The following USP37 variants were observed in gnomAD, a reference collection of about 807,000 sequenced individuals.
USP37 encodes the protein ubiquitin specific peptidase 37, also known as ubiquitin carboxyl-terminal hydrolase 37.
A neutral mutation model predicts 124.0 loss-of-function variants in USP37; 27 were observed. The ratio of observed to expected loss-of-function variants is 0.22; its 90% CI spans 0.16 to 0.30. USP37 has a LOEUF of 0.30. Ranked by LOEUF, USP37 falls within the 10% of genes least tolerant of loss-of-function variation. USP37 has a pLI of 1.00. For missense variants in USP37, 889 were observed against 1,140.4 expected (o/e 0.78, Z 3.17); for synonymous variants, 365 against 388.0 (o/e 0.94, Z 0.70).
intron 11 of USP37, among the ~76,000 whole-genome samples, chr2:218,508,001 A>G (rs1267052476): frequency 1.3e-5 from 2 of 152,128 alleles, no homozygotes; most frequent in Admixed American, 6.6e-5. Flanking sequence ...TTTTTCATGG[A>G]ATCCCTTAGG....
At chr2:218,466,328 A>T in intron 20 of USP37, 152 bp from the exon 21 acceptor site, 1 of 889,528 alleles carries the variant, frequency 1.1e-6, no homozygotes, top group Non-Finnish European at 1.7e-6. Flanking sequence ...GATCTACGTC[A>T]GGGTTGATCA....
intron 10 of USP37, among the ~76,000 whole-genome samples, chr2:218,525,233 C>A (rs1396032194): frequency 6.6e-6 from 1 of 152,212 alleles, no homozygotes; most frequent in African/African-American, 2.4e-5. Flanking sequence ...GTAATCCCAG[C>A]ACTTTGGGAG....
chr2:218,519,140 A>G (rs1690454205), intron 10 of USP37, among the ~76,000 whole-genome samples: 1 of 152,262 alleles, frequency 6.6e-6, no homozygotes, highest in Admixed American at 6.5e-5. Context: ...CAGCAATTTA[A>G]GATGTCACAA....
Position 218,455,730 on chromosome 2 carries a change from A to C in USP37, c.2714-12T>G, listed in dbSNP as rs1447444899. The C allele has an allele frequency of 6.2e-7, 1 of 1,611,080 alleles. No individual in the cohort carries two copies. The highest frequency in any genetic ancestry group is 1.3e-5 in the African/African-American group (1 of 74,812). ...ACTAATGTAATGACCTGAAACAAAT[A>C]ACATCTTAAAATCAAGGTTTTTAAA... On this transcript the variant is annotated splice_polypyrimidine_tract_variant and intron_variant, in intron 24 of 25. Transcript: ENST00000258399.
chr2:218,508,341 T>C (rs71415840), intron 11 of USP37, among the ~76,000 whole-genome samples: 6,073 of 151,814 alleles, frequency 0.04, 159 homozygotes, highest in East Asian at 0.12. Flanking sequence ...TACACTAAAC[T>C]AATTCCTGGA....
At chr2:218,565,044 C>G (rs1693509778) in intron 1 of USP37, among the ~76,000 whole-genome samples, 1 of 152,212 alleles carries the variant, frequency 6.6e-6, no homozygotes, top group South Asian at 2.1e-4. Flanking sequence ...ACCTCAGCCT[C>G]CCAAGTAGCT....
chr2:218,459,936 A>C, intron 22 of USP37, 31 bp from the exon 23 acceptor site: 1 of 1,571,136 alleles, frequency 6.4e-7, no homozygotes. Flanking sequence ...ATCTTATAAA[A>C]GTTCTTGGAA....
At chr2:218,553,288 G>C (rs190704747) in intron 5 of USP37, among the ~76,000 whole-genome samples, 18 of 152,298 alleles carry the variant, frequency 1.2e-4, no homozygotes, top group Admixed American at 4.6e-4. Flanking sequence ...TTTTTATCAT[G>C]AAAGAGTGTT....
At chr2:218,536,865 C>A (rs1691675040) in intron 8 of USP37, among the ~76,000 whole-genome samples, 2 of 152,256 alleles carry the variant, frequency 1.3e-5, no homozygotes, top group East Asian at 1.9e-4. Context: ...GATAGTAATA[C>A]CTCTGACATC....
rs750667506 is a variant in USP37, at chr2:218,558,646, G to A, written c.8C>T (p.Pro3Leu). 13 of 1,593,568 alleles carry A rather than the reference G, an allele frequency of 8.2e-6. No individual in the cohort carries two copies. The highest frequency in any genetic ancestry group is 1.1e-5 in the South Asian group (1 of 87,152). Residue 3 changes from proline (P) to leucine (L), a missense_variant, in exon 4 of 26, where the codon CCT becomes CTT. This residue lies in a region of USP37 where 374 missense variants were observed against 386.0 expected (regional missense o/e 0.97). Coordinates refer to ENST00000258399, the MANE Select transcript of USP37 (RefSeq NM_020935.3). ...TCTGATAGGACCATGTATCTTCAGA[G>A]GAGACATATTTTCTTTAAAAATTGC... MS[P>L]LKIHGPIRIR...
At chr2:218,507,290 TG>T (rs1159387353) in intron 11 of USP37, among the ~76,000 whole-genome samples, 3 of 151,996 alleles carry the variant, frequency 2.0e-5, no homozygotes, top group Admixed American at 6.6e-5. Flanking sequence ...CCCAAGTAGC[TG>T]GGATTACAAG....
At chr2:218,512,907 A>C (rs780438962) in intron 10 of USP37, among the ~76,000 whole-genome samples, 5 of 152,124 alleles carry the variant, frequency 3.3e-5, no homozygotes, top group Admixed American at 2.0e-4. Context: ...TACTCATATA[A>C]ATTTTATATA....
At chr2:218,502,188 C>G (rs1374049957) in intron 11 of USP37, among the ~76,000 whole-genome samples, 1 of 151,768 alleles carries the variant, frequency 6.6e-6, no homozygotes, top group Non-Finnish European at 1.5e-5. Context: ...CTACTGCAGA[C>G]AAGAATATTA....
intron 11 of USP37, chr2:218,500,890 C>T (rs1419552825): frequency 6.1e-6 from 1 of 163,736 alleles, no homozygotes; most frequent in South Asian, 2.1e-4. Flanking sequence ...GGATGGTCAT[C>T]CTCTTTGACT....
chr2:218,537,794 T>C (rs1301239153), intron 8 of USP37, among the ~76,000 whole-genome samples: 1 of 151,782 alleles, frequency 6.6e-6, no homozygotes, highest in Non-Finnish European at 1.5e-5. Context: ...CACAGGAGAG[T>C]TGCAGCCCAG....
chr2:218,534,463 T>C, intron 9 of USP37, 146 bp downstream of exon 9: 1 of 305,436 alleles, frequency 3.3e-6, no homozygotes, highest in Non-Finnish European at 5.3e-6. Context: ...CACTCCAACC[T>C]GGGCGACAGA....
At chr2:218,544,428 T>TAGAGAG (rs1241793062) in intron 8 of USP37, among the ~76,000 whole-genome samples, 1,167 of 49,952 alleles carry the variant, frequency 0.023, 14 homozygotes, top group South Asian at 0.029. Context: ...TATATATATA[T>TAGAGAG]ATAGAGAGAG....
chr2:218,542,931 T>A (rs929147577), intron 8 of USP37, among the ~76,000 whole-genome samples: 27 of 152,174 alleles, frequency 1.8e-4, no homozygotes, highest in African/African-American at 6.5e-4. Flanking sequence ...CTAAAACATG[T>A]AGCACTGGCT....
intron 18 of USP37, 24 bp from the exon 19 acceptor site, chr2:218,477,005 A>C (rs751752712): frequency 6.7e-7 from 1 of 1,493,694 alleles, no homozygotes; most frequent in Non-Finnish European, 8.9e-7. Context: ...AAAAAAAAAA[A>C]AGCCTGATAA....
Sources: allele counts gnomAD v4.1 joint callset (sites outside exome capture counted in the v4.1 genomes callset), GRCh38; gene constraint gnomAD v4.1.1; regional missense constraint gnomAD v4.1.1; transcripts MANE v1.5; gene names NCBI Gene and HGNC (gene_info 2026-07-23, HGNC 2026-07-21).